The following VEGFA variants were observed in gnomAD, a reference collection of about 807,000 sequenced individuals.
The protein encoded by VEGFA is vascular endothelial growth factor A, long form.
In VEGFA, 20 loss-of-function variants were observed where a neutral mutation model predicts 49.7. That is an observed-to-expected ratio of 0.40 (90% confidence interval 0.28 to 0.58). The LOEUF (loss-of-function observed/expected upper bound fraction) is 0.58. Ranked by LOEUF, VEGFA falls within the 20% of genes least tolerant of loss-of-function variation. The pLI is 0.40. For missense variants in VEGFA, 505 were observed against 553.5 expected (o/e 0.91, Z 0.88); for synonymous variants, 219 against 223.4 (o/e 0.98, Z 0.18).
At chr6:43,779,941 G>A (rs1582513064) in intron 5 of VEGFA, 1 of 301,046 alleles carries the variant, frequency 3.3e-6, no homozygotes, top group Admixed American at 4.0e-5. Context: ...GGAGAGTAGG[G>A]GGCTCGCCTG....
rs1369313624 is a variant in VEGFA at position 43,777,626 on chromosome 6, G to A, written c.816G>A (p.Leu272=). Residue 272 remains leucine, a synonymous_variant, in exon 3 of 8, where the codon CTG becomes CTA. Coordinates refer to ENST00000672860, the MANE Select transcript of VEGFA (RefSeq NM_003376.6). The surrounding 1 kb of genome is among the most constrained non-coding windows in gnomAD (Gnocchi z 4.3). ...GGGGCTGCTGCAATGACGAGGGCCT[G>A]GAGTGTGTGCCCACTGAGGAGTCCA... 6.2e-7 allele frequency: 1 copy of A among 1,613,932 alleles called. No individual in the cohort carries two copies. Among genetic ancestry groups the A allele is most frequent in the Admixed American group, 1.7e-5 (1 of 60,012 alleles).
Position 43,777,963 on chromosome 6 carries a change from G to C in VEGFA, c.855+298G>C, listed in dbSNP as rs900040412. On this transcript the variant is annotated intron_variant, in intron 3 of 7. Transcript: ENST00000672860. The surrounding 1 kb of genome is among the most constrained non-coding windows in gnomAD (Gnocchi z 4.3). ...CTCTCCCTCTCTTGGAGAGAGTCCTGAGTGCCCCCCCTTCTTGGGGGCTTT... is the reference window on the plus strand; with the variant it reads ...CTCTCCCTCTCTTGGAGAGAGTCCTCAGTGCCCCCCCTTCTTGGGGGCTTT... The C allele has an allele frequency of 6.0e-6, 3 of 499,584 alleles. No homozygotes were observed. The highest frequency in any genetic ancestry group is 1.1e-5 in the Non-Finnish European group (3 of 276,342). The allele number at this position is 499,584 out of a possible 1,614,324, so 30.9% of individuals were successfully genotyped here.
At chr6:43,780,515 A>T in intron 5 of VEGFA, 1 of 623,736 alleles carries the variant, frequency 1.6e-6, no homozygotes, top group African/African-American at 1.8e-5. Context: ...GGGCAGCGTG[A>T]GGAGAAGAAA....
chr6:43,784,911 T>C lies in VEGFA; in HGVS notation c.*349T>C, dbSNP rs1769201681. On this transcript the variant is annotated 3_prime_UTR_variant, in exon 8 of 8. Transcript: ENST00000672860. ...ATTCCTGTAGACACACCCACCCACA[T>C]ACATACATTTATATATATATATATT... 1 of 343,364 alleles carries C rather than the reference T, an allele frequency of 2.9e-6. No individual in the cohort carries two copies. The highest frequency in any genetic ancestry group is 5.4e-6 in the Non-Finnish European group (1 of 183,698). 21.3% of individuals were successfully genotyped at this position (343,364 alleles called of 1,614,324 possible).
chr6:43,777,651 A>G lies in VEGFA; in HGVS notation c.841A>G (p.Asn281Asp). ...GGAGTGTGTGCCCACTGAGGAGTCC[A>G]ACATCACCATGCAGGTGGGCATCTT... Residue 281 changes from asparagine to aspartate, a missense_variant, in exon 3 of 8, where the codon AAC (asparagine) becomes GAC (aspartate). Physicochemically the swap from Asn to Asp is conservative, Grantham distance 23. This residue lies in a region of VEGFA where 165 missense variants were observed against 231.7 expected (regional missense o/e 0.71). Coordinates refer to ENST00000672860, the MANE Select transcript of VEGFA (RefSeq NM_003376.6). This position sits in a 1 kb window ranked among gnomAD's most constrained non-coding sequence, Gnocchi z 4.3. 2.0e-6 allele frequency: 3 copies of G among 1,472,536 alleles called. No homozygotes were observed. Among genetic ancestry groups the G allele is most frequent in the Non-Finnish European group, 2.7e-6 (3 of 1,091,126 alleles). 91.2% of individuals were successfully genotyped at this position (1,472,536 alleles called of 1,614,324 possible). A position where few individuals can be genotyped will look rare whatever the true frequency, so the allele number is the denominator to read the frequency against.
intron 6 of VEGFA, chr6:43,781,624 T>C (rs1021678680): frequency 1.1e-5 from 4 of 369,572 alleles, no homozygotes; most frequent in South Asian, 6.5e-5. Flanking sequence ...CAAGGCGTGC[T>C]CCGATGGGGG....
chr6:43,782,754 T>TC (rs1561998385), intron 7 of VEGFA: 6 of 159,272 alleles, frequency 3.8e-5, no homozygotes, highest in Non-Finnish European at 8.3e-5. Context: ...GGGCTATGTC[T>TC]CCCTCCTCAG....
intron 6 of VEGFA, 99 bp downstream of exon 6, chr6:43,780,902 G>T (rs762495017): frequency 8.1e-6 from 13 of 1,609,900 alleles, no homozygotes; most frequent in Non-Finnish European, 9.3e-6. Flanking sequence ...CCCTCCCCTG[G>T]TCCTTCCCTG....
In VEGFA at chr6:43,774,353, G is replaced by A. The variant is rs2128010344; in HGVS notation, c.619G>A (p.Ala207Thr). The A allele has an allele frequency of 2.5e-6, 4 of 1,614,206 alleles. No homozygotes were observed. The highest frequency in any genetic ancestry group is 3.4e-6 in the Non-Finnish European group (4 of 1,180,028). The change falls in exon 2 of 8, where the codon GCA becomes ACA. Residue 207 changes from alanine to threonine, a missense_variant. Ala to Thr is a moderately conservative substitution (Grantham distance 58, BLOSUM62 0). This residue lies in a region of VEGFA where 340 missense variants were observed against 321.8 expected (regional missense o/e 1.06). Transcript: ENST00000672860. Reference sequence around the variant, plus strand: ...TTTCTGTCCTCAGTGGTCCCAGGCTGCACCCATGGCAGAAGGAGGAGGGCA... The same window carrying A: ...TTTCTGTCCTCAGTGGTCCCAGGCTACACCCATGGCAGAAGGAGGAGGGCA...
chr6:43,779,747 T>A (rs1463065402), intron 5 of VEGFA: 2 of 461,104 alleles, frequency 4.3e-6, no homozygotes, highest in South Asian at 3.1e-5. Flanking sequence ...CCTTTGGTGC[T>A]TTCTCCTAAG....
intron 1 of VEGFA, chr6:43,772,056 G>C: frequency 2.0e-6 from 2 of 985,472 alleles, no homozygotes; most frequent in South Asian, 4.7e-5. Flanking sequence ...GTGGCGAGCG[G>C]CACCCCTCCC....
At chr6:43,781,866 G>A (rs547015313) in intron 6 of VEGFA, 90 bp from the exon 7 acceptor site, 78 of 1,548,630 alleles carry the variant, frequency 5.0e-5, no homozygotes, top group Admixed American at 1.4e-4. Context: ...GTGCAGCTGC[G>A]GACATGTTAG....
rs541724233 is a variant in VEGFA at position 43,777,764 on chromosome 6, G to C, written c.855+99G>C. On this transcript the variant is annotated intron_variant, in intron 3 of 7. Transcript: ENST00000672860. This position sits in a 1 kb window ranked among gnomAD's most constrained non-coding sequence, Gnocchi z 4.3. Reference sequence around the variant, plus strand: ...GTCGTTTCCTGGCTAGATTTGCCTTGTCTGGCTCCTGCCCCTGAGTTGCAC... The same window carrying C: ...GTCGTTTCCTGGCTAGATTTGCCTTCTCTGGCTCCTGCCCCTGAGTTGCAC... The C allele has an allele frequency of 3.7e-6, 5 of 1,340,686 alleles. No individual in the cohort carries two copies. Among genetic ancestry groups the C allele is most frequent in the African/African-American group, 2.9e-5 (2 of 69,472 alleles). 83.0% of individuals were successfully genotyped at this position (1,340,686 alleles called of 1,614,324 possible). A position where few individuals can be genotyped will look rare whatever the true frequency, so the allele number is the denominator to read the frequency against.
Position 43,770,964 on chromosome 6 carries a change from C to T in VEGFA, c.258C>T (p.Gly86=). ...GAGCCGCGAGAAGTGCTAGCTCGGG[C>T]CGGGAGGAGCCGCAGCCGGAGGAGG... Residue 86 remains glycine (G), a synonymous_variant, in exon 1 of 8, where the codon GGC becomes GGT. Coordinates refer to ENST00000672860, the MANE Select transcript of VEGFA (RefSeq NM_003376.6). The T allele has an allele frequency of 1.9e-6, 3 of 1,543,510 alleles. No individual in the cohort carries two copies. Among genetic ancestry groups the T allele is most frequent in the Non-Finnish European group, 2.6e-6 (3 of 1,144,994 alleles).
chr6:43,783,094 C>T (rs1448302905), intron 7 of VEGFA: 3 of 152,280 alleles, frequency 2.0e-5, no homozygotes, highest in Non-Finnish European at 4.4e-5. Flanking sequence ...ATGTGTGACT[C>T]AGTTCAGAGG....
intron 5 of VEGFA, chr6:43,779,913 A>G: frequency 3.0e-6 from 1 of 332,052 alleles, no homozygotes. Flanking sequence ...GTTTCCCCAA[A>G]TGACTGCTCT....
In VEGFA at chr6:43,777,369, C is replaced by T. The variant is rs999636184; in HGVS notation, c.659-100C>T. 2 of 1,375,690 alleles carry T rather than the reference C, an allele frequency of 1.5e-6. No homozygotes were observed. Among genetic ancestry groups the T allele is most frequent in the African/African-American group, 1.4e-5 (1 of 70,444 alleles). 85.2% of individuals were successfully genotyped at this position (1,375,690 alleles called of 1,614,324 possible). On this transcript the variant is annotated intron_variant, in intron 2 of 7. Transcript: ENST00000672860. This position sits in a 1 kb window ranked among gnomAD's most constrained non-coding sequence, Gnocchi z 4.3. ...AGATTTTGGAAGGACTTGCCTGATT[C>T]GGAAGCTCCAAAGAGTGGCATTACA...
intron 2 of VEGFA, chr6:43,774,861 C>A: frequency 5.2e-6 from 1 of 192,508 alleles, no homozygotes; most frequent in Non-Finnish European, 1.1e-5. Flanking sequence ...CCCTGGTTTG[C>A]ATTCCTTTGG....
In VEGFA at chr6:43,784,750, C is replaced by A. The variant is rs1769167792; in HGVS notation, c.*188C>A. The A allele has an allele frequency of 4.6e-5, 51 of 1,116,764 alleles. 2 individuals are homozygous for A. In the South Asian group the frequency reaches 6.5e-4, roughly 14 times the overall value. The allele number at this position is 1,116,764 out of a possible 1,614,324, so 69.2% of individuals were successfully genotyped here. A position where few individuals can be genotyped will look rare whatever the true frequency, so the allele number is the denominator to read the frequency against. ...AGACTCTGCGCAGAGCACTTTGGGT[C>A]CGGAGGGCGAGACTCCGGCGGAAGC... On this transcript the variant is annotated 3_prime_UTR_variant, in exon 8 of 8. Coordinates refer to ENST00000672860, the MANE Select transcript of VEGFA (RefSeq NM_003376.6).
Sources: allele counts gnomAD v4.1 joint callset, GRCh38; gene constraint gnomAD v4.1.1; regional missense constraint gnomAD v4.1.1; non-coding constraint Gnocchi (gnomAD v3.1); transcripts MANE v1.5; gene names NCBI Gene and HGNC (gene_info 2026-07-23, HGNC 2026-07-21).